Variants in SRPK2 observed in about 807,000 individuals in gnomAD.
The protein encoded by SRPK2 is SRSF protein kinase 2.
SRPK2 carries 21 observed loss-of-function variants against 90.8 expected under a neutral mutation model. The ratio of observed to expected loss-of-function variants is 0.23; its 90% CI spans 0.16 to 0.33. SRPK2 has a LOEUF of 0.33. Among genes scored for constraint, SRPK2 ranks in the 10% least tolerant of loss-of-function variants. The pLI, the probability that SRPK2 is intolerant of heterozygous loss-of-function variation, is 1.00. For missense variants in SRPK2, 620 were observed against 869.0 expected, an observed-to-expected ratio of 0.71 and a Z score of 3.60; for synonymous variants, 288 against 311.1, an observed-to-expected ratio of 0.93 and a Z score of 0.78.
chr7:105,127,544 TTCA>T (rs1801377780), intron 13 of SRPK2, among the ~76,000 whole-genome samples: 1 of 152,348 alleles, frequency 6.6e-6, no homozygotes, highest in Admixed American at 6.5e-5. Flanking sequence ...ATCAACCATT[TTCA>T]TCATCATTTC....
At chr7:105,360,411 T>C (rs1004165107) in intron 2 of SRPK2, among the ~76,000 whole-genome samples, 4 of 152,244 alleles carry the variant, frequency 2.6e-5, no homozygotes, top group African/African-American at 9.6e-5. Context: ...AATCTGATCC[T>C]GTCATTATGA....
chr7:105,177,948 G>A (rs965682056), intron 3 of SRPK2, among the ~76,000 whole-genome samples: 1 of 150,142 alleles, frequency 6.7e-6, no homozygotes, highest in African/African-American at 2.5e-5. Flanking sequence ...AGAACGGCGT[G>A]AACCCGGAAG....
At chr7:105,188,818 A>T (rs1015602479) in intron 3 of SRPK2, among the ~76,000 whole-genome samples, 2 of 152,224 alleles carry the variant, frequency 1.3e-5, no homozygotes, top group Non-Finnish European at 2.9e-5. Flanking sequence ...ATGTTTTTAG[A>T]ATACTACCTT....
At chr7:105,219,901 G>A (rs1797894707) in intron 2 of SRPK2, among the ~76,000 whole-genome samples, 1 of 151,850 alleles carries the variant, frequency 6.6e-6, no homozygotes, top group Non-Finnish European at 1.5e-5. Context: ...CTATGTATTA[G>A]GAGTTCATGA....
chr7:105,161,533 G>C (rs1807660313), intron 6 of SRPK2, among the ~76,000 whole-genome samples: 1 of 152,130 alleles, frequency 6.6e-6, no homozygotes, highest in Non-Finnish European at 1.5e-5. Context: ...CACTTAGAAA[G>C]TGCCAGGTGG....
At chr7:105,389,979 T>C (rs1417853878), upstream of SRPK2, among the ~76,000 whole-genome samples, 1 of 152,116 alleles carries the variant, frequency 6.6e-6, no homozygotes, top group Non-Finnish European at 1.5e-5. Flanking sequence ...CAAAAAAATA[T>C]CAAACCCTAT....
rs548069923 is a variant in SRPK2, at chr7:105,205,584, C to A, written c.72-1799G>T. On this transcript the variant is annotated intron_variant, in intron 2 of 15. Coordinates refer to ENST00000393651, the MANE Select transcript of SRPK2 (RefSeq NM_182692.3). ...ACACACACACACCACTTCCAGAATA[C>A]ATTCAAAACTTCCAACAGGCCTTAC... is the stretch of plus-strand genomic sequence containing the variant. 3.5e-5 allele frequency among the ~76,000 whole-genome samples: 5 copies of A among 144,868 alleles called. No homozygotes were observed. In the South Asian group the frequency reaches 9.1e-4, roughly 26 times the overall value.
intron 2 of SRPK2, among the ~76,000 whole-genome samples, chr7:105,293,406 C>A (rs1264366048): frequency 1.3e-5 from 2 of 152,114 alleles, no homozygotes; most frequent in African/African-American, 4.8e-5. Context: ...ATATCTTCAT[C>A]CTCATAAAAT....
rs533327797 is a variant in SRPK2 at position 105,165,998 on chromosome 7, C to T, written c.514+1379G>A. On this transcript the variant is annotated intron_variant, in intron 6 of 15. Coordinates refer to ENST00000393651, the MANE Select transcript of SRPK2 (RefSeq NM_182692.3). ...GAGCTGTAACACTCACTGCAAGGTCCGCAGCTTCATTCTTGAAGTCAGTGA... is the reference window on the plus strand; with the variant it reads ...GAGCTGTAACACTCACTGCAAGGTCTGCAGCTTCATTCTTGAAGTCAGTGA... Among the ~76,000 whole-genome samples, 5 of 152,146 alleles carry T rather than the reference C, an allele frequency of 3.3e-5. No individual in the cohort carries two copies. In the South Asian group the frequency reaches 8.3e-4, roughly 25 times the overall value.
At chr7:105,356,932 G>C (rs1297653123) in intron 2 of SRPK2, among the ~76,000 whole-genome samples, 1 of 152,118 alleles carries the variant, frequency 6.6e-6, no homozygotes, top group Non-Finnish European at 1.5e-5. Flanking sequence ...CTATGGTAAA[G>C]GCCTTATGTG....
intron 14 of SRPK2, 55 bp from the exon 15 acceptor site, chr7:105,126,395 G>T: frequency 7.7e-7 from 1 of 1,305,076 alleles, no homozygotes; most frequent in Non-Finnish European, 1.1e-6. Flanking sequence ...GGGAAGGATG[G>T]GATAAAAGAA....
At chr7:105,134,592 T>A (rs1030797520) in intron 11 of SRPK2, among the ~76,000 whole-genome samples, 2 of 152,210 alleles carry the variant, frequency 1.3e-5, no homozygotes, top group African/African-American at 4.8e-5. Context: ...TGAAATGAAC[T>A]AAACCTCTGT....
At chr7:105,366,130 G>C (rs2132347727) in intron 2 of SRPK2, among the ~76,000 whole-genome samples, 1 of 152,148 alleles carries the variant, frequency 6.6e-6, no homozygotes, top group East Asian at 1.9e-4. Flanking sequence ...TGGGATTTCA[G>C]GCATGAGCCA....
At chr7:105,168,423 T>A (rs1191166497) in intron 4 of SRPK2, among the ~76,000 whole-genome samples, 1 of 152,214 alleles carries the variant, frequency 6.6e-6, no homozygotes, top group Non-Finnish European at 1.5e-5. Context: ...TCATTGTGTA[T>A]ATACACAAAT....
chr7:105,247,979 C>T (rs187525945), intron 2 of SRPK2, among the ~76,000 whole-genome samples: 143 of 151,826 alleles, frequency 9.4e-4, no homozygotes, highest in Non-Finnish European at 1.6e-3. Flanking sequence ...CTCAGCCTCT[C>T]GAGTAGCTGG....
At chr7:105,263,454 C>T (rs1383004344) in intron 2 of SRPK2, among the ~76,000 whole-genome samples, 2 of 152,008 alleles carry the variant, frequency 1.3e-5, no homozygotes, top group Non-Finnish European at 1.5e-5. Context: ...AGATATGAGA[C>T]TGAATTAATT....
chr7:105,357,460 T>C (rs1043290434), intron 2 of SRPK2, among the ~76,000 whole-genome samples: 3 of 152,178 alleles, frequency 2.0e-5, no homozygotes, highest in Admixed American at 2.0e-4. Context: ...TGACCTGCTA[T>C]AAACAATAAA....
intron 2 of SRPK2, among the ~76,000 whole-genome samples, chr7:105,250,140 G>A (rs1487575921): frequency 1.3e-5 from 2 of 152,134 alleles, no homozygotes; most frequent in African/African-American, 4.8e-5. Context: ...GACCAGCCTG[G>A]CCAACATGGT....
At chr7:105,139,269 C>T (rs1279799176) in intron 11 of SRPK2, among the ~76,000 whole-genome samples, 1 of 152,100 alleles carries the variant, frequency 6.6e-6, no homozygotes, top group Admixed American at 6.5e-5. Context: ...CTGGAGAGAA[C>T]ACAAAGCCAA....
Sources: allele counts gnomAD v4.1 joint callset (sites outside exome capture counted in the v4.1 genomes callset), GRCh38; gene constraint gnomAD v4.1.1; transcripts MANE v1.5; gene names NCBI Gene and HGNC (gene_info 2026-07-23, HGNC 2026-07-21).